SLMAP: variants seen among roughly 807,000 people sequenced by gnomAD.
The protein encoded by SLMAP is sarcolemmal membrane-associated protein.
Under a neutral mutation model 128.8 loss-of-function variants are expected in SLMAP, and 44 were observed. That is an observed-to-expected ratio of 0.34 (90% CI 0.27 to 0.44). The LOEUF is 0.44. SLMAP is among the 20% of genes least tolerant of loss of function. The probability of loss-of-function intolerance (pLI) is 1.00; values close to 1 mark genes in which losing one functional copy is unlikely to be tolerated. For missense variants in SLMAP, 787 were observed against 985.3 expected, an observed-to-expected ratio of 0.80 and a Z score of 2.69; for synonymous variants, 327 against 348.8, an observed-to-expected ratio of 0.94 and a Z score of 0.70.
chr3:57,811,926 GT>G (rs2091048471), intron 2 of SLMAP, among the ~76,000 whole-genome samples: 1 of 152,068 alleles, frequency 6.6e-6, no homozygotes, highest in Admixed American at 6.5e-5. Context: ...TGGGTTCTTT[GT>G]TTTTTAGTGG....
chr3:57,912,257 A>G, intron 19 of SLMAP, 124 bp from the exon 20 acceptor site: 1 of 708,460 alleles, frequency 1.4e-6, no homozygotes, highest in Non-Finnish European at 2.3e-6. Flanking sequence ...TCAAACGTGG[A>G]TTGTTTATAC....
At chr3:57,842,863 T>G (rs982309667) in intron 4 of SLMAP, among the ~76,000 whole-genome samples, 3 of 152,240 alleles carry the variant, frequency 2.0e-5, no homozygotes, top group Non-Finnish European at 4.4e-5. Flanking sequence ...TCTCCAGAGC[T>G]GGAGGAAGAT....
At chr3:57,883,395 A>G (rs2095798520) in intron 14 of SLMAP, among the ~76,000 whole-genome samples, 1 of 152,156 alleles carries the variant, frequency 6.6e-6, no homozygotes, top group Non-Finnish European at 1.5e-5. Context: ...AGTTAAAGCC[A>G]TTAAAAAATG....
chr3:57,847,013 G>T lies in SLMAP; in HGVS notation c.420-184G>T, dbSNP rs140393554. The stretch of plus-strand genomic sequence containing the variant: ...AACTATATTGATGTGTACAAGGTAG[G>T]TTTACATATTTTTGTTTTCTAAGAA... On this transcript the variant is annotated intron_variant, in intron 4 of 24. Coordinates refer to ENST00000671191, the MANE Select transcript of SLMAP (RefSeq NM_001377540.1). Among the ~76,000 whole-genome samples, 27 of 152,152 alleles carry T rather than the reference G, an allele frequency of 1.8e-4. No individual in the cohort carries two copies. The East Asian group carries it at 3.5e-3, about 20-fold the overall frequency.
intron 2 of SLMAP, among the ~76,000 whole-genome samples, chr3:57,798,874 T>C (rs2087451837): frequency 6.6e-6 from 1 of 152,228 alleles, no homozygotes; most frequent in Admixed American, 6.5e-5. Context: ...TCAGTTATTG[T>C]ATTGCTTTGG....
chr3:57,919,980 C>A (rs6787430), intron 22 of SLMAP, among the ~76,000 whole-genome samples: 46,449 of 151,792 alleles, frequency 0.31, 7,419 homozygotes, highest in East Asian at 0.47. Context: ...TGCTTCACAA[C>A]TCCTGCAATG....
intron 2 of SLMAP, among the ~76,000 whole-genome samples, chr3:57,811,720 C>G (rs1309732288): frequency 6.6e-6 from 1 of 152,128 alleles, no homozygotes; most frequent in Admixed American, 6.5e-5. Flanking sequence ...ATAAGGGTTC[C>G]AATTTCTCCA....
At position 57,848,867 on chromosome 3, in the gene SLMAP, G is replaced by A. The variant is rs547854850; in HGVS notation, c.457-887G>A. On this transcript the variant is annotated intron_variant, in intron 5 of 24. Coordinates refer to ENST00000671191, the MANE Select transcript of SLMAP (RefSeq NM_001377540.1). ...TGGGATTACAGGCATGTGCCACCAT[G>A]CCCTGCTAATTTTACGTTTTTAGTA... Among the ~76,000 whole-genome samples, 5 of 151,964 alleles carry A rather than the reference G, an allele frequency of 3.3e-5. No homozygotes were observed. The South Asian group carries it at 6.2e-4, about 19-fold the overall frequency.
At chr3:57,762,368 CAAA>C (rs201067236) in intron 2 of SLMAP, among the ~76,000 whole-genome samples, 2 of 90,038 alleles carry the variant, frequency 2.2e-5, no homozygotes, top group Non-Finnish European at 4.6e-5. Context: ...GACTCTGTCT[CAAA>C]AAAAAAAAAA....
chr3:57,811,975 A>G (rs2091056520), intron 2 of SLMAP, among the ~76,000 whole-genome samples: 1 of 152,136 alleles, frequency 6.6e-6, no homozygotes, highest in South Asian at 2.1e-4. Flanking sequence ...CTGGATACCA[A>G]TCCCTTATCA....
At chr3:57,918,859 C>T (rs1181023805) in intron 22 of SLMAP, among the ~76,000 whole-genome samples, 1 of 152,036 alleles carries the variant, frequency 6.6e-6, no homozygotes, top group Non-Finnish European at 1.5e-5. Flanking sequence ...CTAAGCAAGC[C>T]CACATATGAT....
At chr3:57,803,847 C>A (rs1330197153) in intron 2 of SLMAP, among the ~76,000 whole-genome samples, 1 of 152,184 alleles carries the variant, frequency 6.6e-6, no homozygotes. Flanking sequence ...TTGGGAGTTT[C>A]CCTCACCCCA....
chr3:57,825,895 C>T lies in SLMAP; in HGVS notation c.199-5488C>T, dbSNP rs866365789. Among the ~76,000 whole-genome samples the T allele has an allele frequency of 5.9e-5, 9 of 152,050 alleles. No individual in the cohort carries two copies. In the South Asian group the frequency reaches 8.3e-4, roughly 14 times the overall value. On this transcript the variant is annotated intron_variant, in intron 2 of 24. Transcript: ENST00000671191. ...TTTAATTGCCTTTTTCTTGATTCAG[C>T]GTTTACTTGGGTGCTGTAAACCTTT...
At chr3:57,914,529 AT>A (rs1377760431) in intron 21 of SLMAP, among the ~76,000 whole-genome samples, 1 of 152,178 alleles carries the variant, frequency 6.6e-6, no homozygotes, top group Non-Finnish European at 1.5e-5. Flanking sequence ...TATGATATAT[AT>A]CATATATGAA....
chr3:57,857,744 T>C lies in SLMAP; in HGVS notation c.531T>C (p.His177=). The C allele has an allele frequency of 6.2e-7, 1 of 1,612,850 alleles. No homozygotes were observed. Among genetic ancestry groups the C allele is most frequent in the Non-Finnish European group, 8.5e-7 (1 of 1,178,834 alleles). The change falls in exon 7 of 25, where the codon CAT becomes CAC. Residue 177 remains histidine (H), a synonymous_variant. Transcript: ENST00000671191. The part of the protein sequence containing the change: ...QLSQYLQEAL[H]REQMLEQKLA... ...ATTTGTAATACTAGGAGGCCTTACA[T>C]CGGGAACAAATGTTGGAACAGAAGT...
At chr3:57,896,199 G>T in intron 15 of SLMAP, 1 of 1,051,564 alleles carries the variant, frequency 9.5e-7, no homozygotes, top group Non-Finnish European at 1.1e-6. Context: ...TATATTTGTT[G>T]CAGTTCTTTG....
rs759908328 is a variant in SLMAP, at chr3:57,858,093, A to G, written c.621A>G (p.Leu207=). 1.3e-6 allele frequency: 2 copies of G among 1,574,438 alleles called. No individual in the cohort carries two copies. Among genetic ancestry groups the G allele is most frequent in the Non-Finnish European group, 1.7e-6 (2 of 1,144,422 alleles). The change falls in exon 8 of 25, where the codon TTA becomes TTG. Residue 207 remains leucine (L), a synonymous_variant. Coordinates refer to ENST00000671191, the MANE Select transcript of SLMAP (RefSeq NM_001377540.1). Reference sequence around the variant, plus strand: ...ATTTAATTTTTCTTCAATAGGCTTTAATAGATGAAGATAGACTCTTATCAC... The same window carrying G: ...ATTTAATTTTTCTTCAATAGGCTTTGATAGATGAAGATAGACTCTTATCAC... The part of the protein sequence containing the change: ...QEASDTSWQA[L]IDEDRLLSRL...
chr3:57,831,653 A>T (rs748605577), intron 3 of SLMAP, 123 bp downstream of exon 3: 11 of 609,456 alleles, frequency 1.8e-5, no homozygotes, highest in Non-Finnish European at 2.8e-5. Context: ...AGCATTATAT[A>T]CAGTGAAAAG....
intron 17 of SLMAP, among the ~76,000 whole-genome samples, chr3:57,906,310 C>CTTTTTCTTTTTTTTTTTTTTT (rs2096549127): frequency 1.9e-4 from 9 of 47,048 alleles, no homozygotes; most frequent in Non-Finnish European, 3.0e-4. Flanking sequence ...CTTTTTTTTT[C>CTTTTTCTTTTTTTTTTTTTTT]TTTTTTTTTT....
Sources: gnomAD v4.1 joint callset for allele counts (sites outside exome capture counted in the v4.1 genomes callset) on GRCh38, gnomAD v4.1.1 for gene constraint, MANE v1.5 for transcripts, NCBI Gene and HGNC (gene_info 2026-07-23, HGNC 2026-07-21) for gene names.